Variants in NLGN1 observed in about 807,000 individuals in gnomAD.
NLGN1 encodes neuroligin 1.
NLGN1 carries 12 observed loss-of-function variants against 65.5 expected under a neutral mutation model. The observed-to-expected ratio is 0.18, with a 90% confidence interval of 0.12 to 0.30. The LOEUF (loss-of-function observed/expected upper bound fraction) is 0.30. NLGN1 is among the 10% of genes least tolerant of loss of function. NLGN1 has a pLI of 1.00. For synonymous variants in NLGN1, 350 were observed against 359.5 expected, an observed-to-expected ratio of 0.97 and a Z score of 0.30; for missense variants, 750 against 1,007.1, an observed-to-expected ratio of 0.74 and a Z score of 3.46.
At chr3:173,598,542 C>A (rs575343656) in intron 2 of NLGN1, among the ~76,000 whole-genome samples, 6 of 152,222 alleles carry the variant, frequency 3.9e-5, no homozygotes, top group African/African-American at 1.4e-4. Flanking sequence ...CTGCTAGGAA[C>A]GTGTAATGGC....
intron 4 of NLGN1, among the ~76,000 whole-genome samples, chr3:174,046,281 A>G (rs1158138934): frequency 6.6e-6 from 1 of 152,192 alleles, no homozygotes; most frequent in East Asian, 1.9e-4. Context: ...TGTTCTTTAA[A>G]TAATAATGGA....
intron 4 of NLGN1, among the ~76,000 whole-genome samples, chr3:173,831,747 A>T (rs1363567088): frequency 6.6e-6 from 1 of 152,172 alleles, no homozygotes; most frequent in Non-Finnish European, 1.5e-5. Context: ...ACAATTTTTT[A>T]AAACTTTTTA....
intron 4 of NLGN1, among the ~76,000 whole-genome samples, chr3:174,001,168 T>C (rs180673078): frequency 6.6e-6 from 1 of 152,210 alleles, no homozygotes; most frequent in Admixed American, 6.5e-5. Flanking sequence ...GAGAGCAAAA[T>C]TGAAATGGGT....
chr3:174,228,066 C>T (rs113342529), intron 4 of NLGN1, among the ~76,000 whole-genome samples: 1,831 of 151,852 alleles, frequency 0.012, 50 homozygotes, highest in African/African-American at 0.042. Context: ...TTGTGTTTTT[C>T]TCTCTCCATT....
intron 2 of NLGN1, among the ~76,000 whole-genome samples, chr3:173,520,794 G>A (rs1734627549): frequency 6.6e-6 from 1 of 152,146 alleles, no homozygotes; most frequent in African/African-American, 2.4e-5. Context: ...AGTAAAAGAA[G>A]AGCCAATTTG....
intron 4 of NLGN1, among the ~76,000 whole-genome samples, chr3:174,250,609 A>G (rs555841667): frequency 1.4e-3 from 207 of 152,322 alleles, no homozygotes; most frequent in African/African-American, 4.4e-3. Context: ...AAAAGCCTGC[A>G]CTGCCTGAGT....
chr3:173,985,572 G>A (rs901226616), intron 4 of NLGN1, among the ~76,000 whole-genome samples: 12 of 152,170 alleles, frequency 7.9e-5, no homozygotes, highest in African/African-American at 2.7e-4. Context: ...CAATATTGCC[G>A]TACATCAGGT....
chr3:173,484,033 G>A (rs948123151), intron 2 of NLGN1, among the ~76,000 whole-genome samples: 3 of 152,030 alleles, frequency 2.0e-5, no homozygotes, highest in African/African-American at 2.4e-5. Context: ...ACATCTTGTC[G>A]TAGATGTTTA....
At chr3:174,060,713 A>G (rs1737210465) in intron 4 of NLGN1, among the ~76,000 whole-genome samples, 3 of 152,050 alleles carry the variant, frequency 2.0e-5, no homozygotes, top group Admixed American at 1.3e-4. Flanking sequence ...TTATGTTACA[A>G]TGAGATTTCG....
chr3:173,782,981 A>G (rs1781406433), intron 3 of NLGN1, among the ~76,000 whole-genome samples: 1 of 145,182 alleles, frequency 6.9e-6, no homozygotes, highest in African/African-American at 2.6e-5. Flanking sequence ...GCAAATATAG[A>G]AAGCTGTCTT....
At chr3:173,490,965 A>C (rs185770853) in intron 2 of NLGN1, among the ~76,000 whole-genome samples, 2 of 151,668 alleles carry the variant, frequency 1.3e-5, no homozygotes, top group East Asian at 3.9e-4. Context: ...ACTTTGCTGA[A>C]GTTGCTTATC....
chr3:173,803,160 C>T (rs180801168), intron 3 of NLGN1, among the ~76,000 whole-genome samples: 223 of 152,176 alleles, frequency 1.5e-3, no homozygotes, highest in African/African-American at 5.2e-3. Flanking sequence ...ATCTTTAAGA[C>T]AATTCCATAG....
chr3:173,539,837 GT>G (rs1021730781), intron 2 of NLGN1, among the ~76,000 whole-genome samples: 17 of 127,108 alleles, frequency 1.3e-4, no homozygotes, highest in African/African-American at 4.7e-4. Flanking sequence ...ATGTATATAT[GT>G]TATATATATT....
intron 4 of NLGN1, among the ~76,000 whole-genome samples, chr3:174,220,720 A>G (rs1340266797): frequency 6.6e-6 from 1 of 152,090 alleles, no homozygotes; most frequent in African/African-American, 2.4e-5. Context: ...ATAGTTTTCT[A>G]GGGCATTATT....
In NLGN1 at chr3:174,279,101, A is replaced by G; in HGVS notation, c.1100A>G (p.Asp367Gly). The change falls in exon 6 of 7, where the codon GAC becomes GGC. Residue 367 changes from aspartate to glycine, a missense_variant. Coordinates refer to ENST00000457714, the Ensembl canonical transcript of NLGN1. The surrounding 1 kb of genome is among the most constrained non-coding windows in gnomAD (Gnocchi z 4.7). ...GTGATTGATGGTGATGTAATACCAG[A>G]CGACCCCCAGATATTGATGGAGCAA... The G allele has an allele frequency of 6.2e-7, 1 of 1,613,380 alleles. No individual in the cohort carries two copies.
intron 4 of NLGN1, among the ~76,000 whole-genome samples, chr3:174,188,371 A>G (rs1577276511): frequency 6.6e-6 from 1 of 152,036 alleles, no homozygotes; most frequent in East Asian, 1.9e-4. Context: ...AAATCATAAC[A>G]TTGATGACAA....
At chr3:173,411,213 A>T (rs544431805) in intron 1 of NLGN1, among the ~76,000 whole-genome samples, 2 of 152,348 alleles carry the variant, frequency 1.3e-5, no homozygotes, top group South Asian at 2.1e-4. Context: ...AATCATTGGG[A>T]CTGTACACTG....
chr3:174,241,884 T>G (rs1201050978), intron 4 of NLGN1, among the ~76,000 whole-genome samples: 2 of 152,086 alleles, frequency 1.3e-5, no homozygotes, highest in Non-Finnish European at 2.9e-5. Flanking sequence ...GGTCTCGATC[T>G]CCTGACCTCG....
At chr3:173,978,782 G>T (rs1342069652) in intron 4 of NLGN1, among the ~76,000 whole-genome samples, 1 of 149,184 alleles carries the variant, frequency 6.7e-6, no homozygotes, top group Non-Finnish European at 1.5e-5. Flanking sequence ...GATCACTTGA[G>T]GTCAGAAGTT....
Sources: allele counts gnomAD v4.1 joint callset (sites outside exome capture counted in the v4.1 genomes callset), GRCh38; gene constraint gnomAD v4.1.1; non-coding constraint Gnocchi (gnomAD v3.1); transcripts MANE v1.5; gene names NCBI Gene and HGNC (gene_info 2026-07-23, HGNC 2026-07-21).